CYP27C1: variants seen among roughly 807,000 people sequenced by gnomAD.
CYP27C1 encodes cytochrome P450 27C1.
A neutral mutation model predicts 40.6 loss-of-function variants in CYP27C1; 29 were observed. The ratio of observed to expected loss-of-function variants is 0.71; its 90% CI spans 0.53 to 0.97. The LOEUF (loss-of-function observed/expected upper bound fraction) is 0.97. Among genes scored for constraint, CYP27C1 ranks in the 50% least tolerant of loss-of-function variants. The probability of loss-of-function intolerance (pLI) is 0.00; values close to 1 mark genes in which losing one functional copy is unlikely to be tolerated. For missense variants in CYP27C1, 390 were observed against 485.8 expected (o/e 0.80, Z 1.85); for synonymous variants, 198 against 186.8 (o/e 1.06, Z -0.49).
Position 127,205,771 on chromosome 2 carries a change from T to A in CYP27C1, c.473+129A>T, listed in dbSNP as rs1683213286. On this transcript the variant is annotated intron_variant, in intron 2 of 8. Coordinates refer to ENST00000664447, the MANE Select transcript of CYP27C1 (RefSeq NM_001367502.1). ...TGGGAGATCGCACAAGGAGACTGTC[T>A]GATATCATTCCATGGGGGGGTTCTG... The A allele has an allele frequency of 1.7e-5, 17 of 985,162 alleles. No homozygotes were observed. The South Asian group carries it at 7.0e-4, about 41-fold the overall frequency. The allele number at this position is 985,162 out of a possible 1,614,324, so 61.0% of individuals were successfully genotyped here.
Position 127,204,571 on chromosome 2 carries a change from A to AAGAG in CYP27C1, c.474-1001_474-1000insCTCT, listed in dbSNP as rs1558931430. Among the ~76,000 whole-genome samples, 471 of 76,666 alleles carry AAGAG rather than the reference A, an allele frequency of 6.1e-3. 24 individuals are homozygous for AAGAG. Among genetic ancestry groups the AAGAG allele is most frequent in the African/African-American group, 0.025 (451 of 17,920 alleles). 50.3% of individuals were successfully genotyped at this position (76,666 alleles called of 152,430 possible). ...AGAGAGAGAGAGAAAGAAAGAAAGA[A>AAGAG]AGAAAGAAAGAAAGAAAGAAAGAAA... On this transcript the variant is annotated intron_variant, in intron 2 of 8. Transcript: ENST00000664447.
chr2:127,197,326 GGTTT>G (rs1682926544), intron 5 of CYP27C1, among the ~76,000 whole-genome samples: 1 of 152,088 alleles, frequency 6.6e-6, no homozygotes, highest in South Asian at 2.1e-4. Context: ...ATGCTGTGTG[GGTTT>G]GTTTTTGTTT....
chr2:127,193,925 A>C (rs1682844624), intron 6 of CYP27C1, 58 bp from the exon 7 acceptor site: 1 of 1,567,292 alleles, frequency 6.4e-7, no homozygotes, highest in East Asian at 2.2e-5. Flanking sequence ...TATTTTATTG[A>C]ACGTTCAGAA....
intron 1 of CYP27C1, among the ~76,000 whole-genome samples, chr2:127,211,881 C>CA (rs1471009010): frequency 2.6e-5 from 4 of 151,716 alleles, no homozygotes; most frequent in African/African-American, 4.8e-5. Context: ...AAAAACCCTC[C>CA]AAAAAAATCA....
chr2:127,199,568 G>A, intron 4 of CYP27C1, 29 bp from the exon 5 acceptor site: 1 of 1,590,210 alleles, frequency 6.3e-7, no homozygotes, highest in Non-Finnish European at 8.6e-7. Flanking sequence ...TCTTTTGAAA[G>A]GAGTTTGGGT....
chr2:127,212,299 T>TC (rs1683355130), intron 1 of CYP27C1, among the ~76,000 whole-genome samples: 1 of 151,902 alleles, frequency 6.6e-6, no homozygotes, highest in Non-Finnish European at 1.5e-5. Context: ...AAGAAGGGAC[T>TC]CCCCCCTAAC....
At chr2:127,205,690 G>C in intron 2 of CYP27C1, 8 of 985,538 alleles carry the variant, frequency 8.1e-6, no homozygotes, top group Non-Finnish European at 9.6e-6. Context: ...CCTGGCTCCT[G>C]ACGGGACAAC....
intron 1 of CYP27C1, among the ~76,000 whole-genome samples, chr2:127,214,808 T>A (rs1305668641): frequency 8.7e-5 from 13 of 149,570 alleles, no homozygotes; most frequent in Admixed American, 6.6e-4. Context: ...TTGGTTTTTT[T>A]TTTTTTAGAG....
intron 1 of CYP27C1, among the ~76,000 whole-genome samples, chr2:127,206,790 G>C (rs957762933): frequency 6.6e-6 from 1 of 152,162 alleles, no homozygotes; most frequent in Non-Finnish European, 1.5e-5. Context: ...TCTGTGGACA[G>C]TCTGTAACGA....
rs777832939 is a variant in CYP27C1, at chr2:127,185,646, T to C, written c.*1625A>G. The C allele has an allele frequency of 3.3e-5, 5 of 152,240 alleles. No individual in the cohort carries two copies. Among genetic ancestry groups the C allele is most frequent in the Non-Finnish European group, 5.9e-5 (4 of 68,044 alleles). 9.4% of individuals were successfully genotyped at this position (152,240 alleles called of 1,614,324 possible). On this transcript the variant is annotated 3_prime_UTR_variant, in exon 9 of 9. Coordinates refer to ENST00000664447, the MANE Select transcript of CYP27C1 (RefSeq NM_001367502.1). This position sits in a 1 kb window ranked among gnomAD's most constrained non-coding sequence, Gnocchi z 4.9. The stretch of plus-strand genomic sequence containing the variant: ...TGCTACCACACAGAGATTTCAACTT[T>C]ATTATATACTTTAACAAAAATGGTA...
Position 127,195,937 on chromosome 2 carries a change from G to T in CYP27C1, c.1048-436C>A, listed in dbSNP as rs1682894400. ...CGGCATCCCCAGGATGCTGGGCCCG[G>T]CCCACTCTGGCTGCCCTAATCTAGA... On this transcript the variant is annotated intron_variant, in intron 5 of 8. Transcript: ENST00000664447. The surrounding 1 kb of genome is among the most constrained non-coding windows in gnomAD (Gnocchi z 6.2). Among the ~76,000 whole-genome samples, 1 of 152,216 alleles carries T rather than the reference G, an allele frequency of 6.6e-6. No homozygotes were observed. Among genetic ancestry groups the T allele is most frequent in the Non-Finnish European group, 1.5e-5 (1 of 68,032 alleles).
At position 127,200,163 on chromosome 2, in the gene CYP27C1, A is replaced by G. The variant is rs1208926157; in HGVS notation, c.884-624T>C. Among the ~76,000 whole-genome samples, 1 of 152,226 alleles carries G rather than the reference A, an allele frequency of 6.6e-6. No individual in the cohort carries two copies. Among genetic ancestry groups the G allele is most frequent in the Non-Finnish European group, 1.5e-5 (1 of 68,036 alleles). On this transcript the variant is annotated intron_variant, in intron 4 of 8. Coordinates refer to ENST00000664447, the MANE Select transcript of CYP27C1 (RefSeq NM_001367502.1). The surrounding 1 kb of genome is among the most constrained non-coding windows in gnomAD (Gnocchi z 4.2). ...CCCAGCTAATTTTTGTATTTTTAGT[A>G]GAGACGCAGTTTCGCCATGTTGGCC...
intron 8 of CYP27C1, among the ~76,000 whole-genome samples, chr2:127,190,645 C>G (rs938686493): frequency 1.4e-5 from 2 of 145,386 alleles, no homozygotes; most frequent in African/African-American, 5.0e-5. Flanking sequence ...TGGCTTTTTT[C>G]TTAACAATTA....
chr2:127,198,032 G>A (rs948395611), intron 5 of CYP27C1, among the ~76,000 whole-genome samples: 1 of 152,164 alleles, frequency 6.6e-6, no homozygotes, highest in South Asian at 2.1e-4. Context: ...CAGTATACAT[G>A]CTGGTCTGCC....
At chr2:127,197,730 C>T (rs774214263) in intron 5 of CYP27C1, among the ~76,000 whole-genome samples, 1 of 152,214 alleles carries the variant, frequency 6.6e-6, no homozygotes, top group Admixed American at 6.5e-5. Flanking sequence ...CCTAGCTCCT[C>T]CCTGTTTTGC....
In CYP27C1 at chr2:127,199,476, A is replaced by G. The variant is rs930713144; in HGVS notation, c.947T>C (p.Val316Ala). The G allele has an allele frequency of 6.2e-7, 1 of 1,613,910 alleles. No homozygotes were observed. Among genetic ancestry groups the G allele is most frequent in the Non-Finnish European group, 8.5e-7 (1 of 1,179,996 alleles). ...GAGGTATGTGAGAAGTCCCCCGCTC[A>G]CCCTCCGGCCTCGGTCCATTTGGTA... ...IQYQMDRGRR[V>A]SGGLLTYLFL... The change falls in exon 5 of 9, where the codon GTG becomes GCG. Residue 316 changes from valine to alanine, a missense_variant. By Grantham distance (64) the Val-to-Ala change is moderately conservative (BLOSUM62 0). Transcript: ENST00000664447.
Position 127,199,377 on chromosome 2 carries a change from G to C in CYP27C1, c.1046C>G (p.Thr349Arg). The C allele has an allele frequency of 6.2e-7, 1 of 1,613,952 alleles. No individual in the cohort carries two copies. Among genetic ancestry groups the C allele is most frequent in the Admixed American group, 1.7e-5 (1 of 60,018 alleles). ...VTEMLLAGVD[T>R]TSFTLSWTVY... ...TGAGAACAGGACCCCCAGACTCACCGTGTCGACGCCGGCCAGCAGCATCTC... is the reference window on the plus strand; with the variant it reads ...TGAGAACAGGACCCCCAGACTCACCCTGTCGACGCCGGCCAGCAGCATCTC... The change falls in exon 5 of 9, where the codon ACG (threonine) becomes AGG (arginine). Residue 349 changes from threonine (T) to arginine (R), a missense_variant and splice_region_variant. Transcript: ENST00000664447.
chr2:127,209,888 G>A lies in CYP27C1; in HGVS notation c.283-3798C>T, dbSNP rs185238361. On this transcript the variant is annotated intron_variant, in intron 1 of 8. Coordinates refer to ENST00000664447, the MANE Select transcript of CYP27C1 (RefSeq NM_001367502.1). The surrounding 1 kb of genome is among the most constrained non-coding windows in gnomAD (Gnocchi z 4.1). Reference sequence around the variant, plus strand: ...TCATAAAAACAGCAAACCTACAATCGACTGGAGCACCAGAAGGAGACGGGG... The same window carrying A: ...TCATAAAAACAGCAAACCTACAATCAACTGGAGCACCAGAAGGAGACGGGG... 2.6e-5 allele frequency among the ~76,000 whole-genome samples: 4 copies of A among 152,262 alleles called. No individual in the cohort carries two copies. The South Asian group carries it at 6.2e-4, about 24-fold the overall frequency.
chr2:127,204,535 A>AAG lies in CYP27C1; in HGVS notation c.474-966_474-965dup, dbSNP rs372686054. Among the ~76,000 whole-genome samples, 403 of 46,932 alleles carry AAG rather than the reference A, an allele frequency of 8.6e-3. 38 individuals are homozygous for AAG. Among genetic ancestry groups the AAG allele is most frequent in the South Asian group, 0.021 (21 of 992 alleles). The allele number at this position is 46,932 out of a possible 152,430, so 30.8% of individuals were successfully genotyped here. A position where few individuals can be genotyped will look rare whatever the true frequency, so the allele number is the denominator to read the frequency against. On this transcript the variant is annotated intron_variant, in intron 2 of 8. Transcript: ENST00000664447. ...AAAGAAGGAAAGAAAGAAAGAAAGA[A>AAG]AGAGAGAGAGAGAGAGAGAGAGAAA...
Sources: allele counts gnomAD v4.1 joint callset (sites outside exome capture counted in the v4.1 genomes callset), GRCh38; gene constraint gnomAD v4.1.1; non-coding constraint Gnocchi (gnomAD v3.1); transcripts MANE v1.5; gene names NCBI Gene and HGNC (gene_info 2026-07-23, HGNC 2026-07-21).